Variants in FAM117B observed in about 807,000 individuals in gnomAD.
FAM117B encodes the protein family with sequence similarity 117 member B, also known as protein FAM117B.
Under a neutral mutation model 52.8 loss-of-function variants are expected in FAM117B, and 22 were observed. The ratio of observed to expected loss-of-function variants is 0.42; its 90% CI spans 0.30 to 0.59. FAM117B has a LOEUF of 0.59. Among genes scored for constraint, FAM117B ranks in the 20% least tolerant of loss-of-function variants. FAM117B has a pLI of 0.22. For missense variants in FAM117B, 678 were observed against 802.6 expected (o/e 0.84, Z 1.88); for synonymous variants, 309 against 324.1 (o/e 0.95, Z 0.50).
intron 1 of FAM117B, among the ~76,000 whole-genome samples, chr2:202,670,334 G>A (rs1690271530): frequency 6.8e-6 from 1 of 147,466 alleles, no homozygotes; most frequent in Admixed American, 6.8e-5. Flanking sequence ...TTGTCACCCA[G>A]TCTAGAGTGC....
intron 4 of FAM117B, among the ~76,000 whole-genome samples, chr2:202,740,701 A>T (rs1691519496): frequency 6.6e-6 from 1 of 152,132 alleles, no homozygotes. Context: ...ACATTCTTTT[A>T]CCTTGCAGTG....
chr2:202,734,242 G>T (rs1559112237), intron 4 of FAM117B, among the ~76,000 whole-genome samples: 2 of 152,120 alleles, frequency 1.3e-5, no homozygotes, highest in Non-Finnish European at 2.9e-5. Flanking sequence ...ACCAAAGTTA[G>T]CTGGGTGTGG....
chr2:202,733,473 G>T (rs530267149), intron 4 of FAM117B, among the ~76,000 whole-genome samples: 1 of 152,182 alleles, frequency 6.6e-6, no homozygotes, highest in East Asian at 1.9e-4. Context: ...CATCTCAACC[G>T]CATAAGACAG....
chr2:202,742,511 C>T (rs1231495861), intron 4 of FAM117B, among the ~76,000 whole-genome samples: 2 of 152,086 alleles, frequency 1.3e-5, no homozygotes, highest in Non-Finnish European at 2.9e-5. Flanking sequence ...TGAGACCACA[C>T]CATATACAAA....
At chr2:202,731,362 T>TATATATATATATATAC (rs1185524899) in intron 4 of FAM117B, among the ~76,000 whole-genome samples, 25 of 131,336 alleles carry the variant, frequency 1.9e-4, no homozygotes, top group East Asian at 1.8e-3. Context: ...TATATATATA[T>TATATATATATATATAC]ATATATGGAG....
At chr2:202,757,507 C>T (rs1253275176) in intron 6 of FAM117B, 69 bp downstream of exon 6, 5 of 1,445,524 alleles carry the variant, frequency 3.5e-6, no homozygotes, top group Non-Finnish European at 3.8e-6. Flanking sequence ...TCATTCTATT[C>T]ATTTTCTAGC....
chr2:202,705,921 A>G (rs1483200953), intron 2 of FAM117B, among the ~76,000 whole-genome samples: 1 of 152,094 alleles, frequency 6.6e-6, no homozygotes, highest in Non-Finnish European at 1.5e-5. Context: ...TTCTTAACCT[A>G]GGCTTATTTA....
intron 1 of FAM117B, among the ~76,000 whole-genome samples, chr2:202,676,033 C>T (rs530178586): frequency 6.7e-6 from 1 of 149,998 alleles, no homozygotes; most frequent in South Asian, 2.1e-4. Context: ...TGGGATGTCA[C>T]TTCTGAGATT....
intron 1 of FAM117B, among the ~76,000 whole-genome samples, chr2:202,686,032 T>C (rs977870348): frequency 6.6e-6 from 1 of 152,206 alleles, no homozygotes; most frequent in African/African-American, 2.4e-5. Context: ...TGCATATATT[T>C]GACAGAGAAC....
intron 1 of FAM117B, among the ~76,000 whole-genome samples, chr2:202,686,477 T>C (rs1206991239): frequency 3.3e-5 from 5 of 152,222 alleles, no homozygotes; most frequent in South Asian, 2.1e-4. Flanking sequence ...ATATGACTTA[T>C]TCCTAATTGT....
At chr2:202,693,620 T>C (rs1427376573) in intron 1 of FAM117B, among the ~76,000 whole-genome samples, 1 of 152,130 alleles carries the variant, frequency 6.6e-6, no homozygotes, top group Non-Finnish European at 1.5e-5. Flanking sequence ...ACAAACACTT[T>C]TATGCACATC....
chr2:202,700,157 A>G (rs1453061550), intron 2 of FAM117B, among the ~76,000 whole-genome samples: 1 of 152,214 alleles, frequency 6.6e-6, no homozygotes, highest in Non-Finnish European at 1.5e-5. Context: ...TCTAAGGGTC[A>G]AGTGAGGTGA....
intron 2 of FAM117B, among the ~76,000 whole-genome samples, chr2:202,718,558 G>A (rs528723543): frequency 1.3e-5 from 2 of 152,076 alleles, no homozygotes; most frequent in African/African-American, 4.8e-5. Flanking sequence ...ATGCCACTTC[G>A]TTGTGGTATA....
At chr2:202,724,634 A>G (rs73992655) in intron 2 of FAM117B, among the ~76,000 whole-genome samples, 1 of 152,112 alleles carries the variant, frequency 6.6e-6, no homozygotes, top group African/African-American at 2.4e-5. Context: ...TAGTTATTAT[A>G]TATAGTTAAC....
At chr2:202,659,775 C>T (rs1690102928) in intron 1 of FAM117B, among the ~76,000 whole-genome samples, 1 of 151,698 alleles carries the variant, frequency 6.6e-6, no homozygotes, top group Non-Finnish European at 1.5e-5. Context: ...CTACCATGCC[C>T]AGTTTTTTAT....
intron 1 of FAM117B, among the ~76,000 whole-genome samples, chr2:202,677,646 CAAGTTACTT>C (rs1690399703): frequency 6.6e-6 from 1 of 152,176 alleles, no homozygotes; most frequent in South Asian, 2.1e-4. Context: ...AACTAAGTGA[CAAGTTACTT>C]AAGTTTTCCA....
Position 202,720,032 on chromosome 2 carries a change from A to G in FAM117B, c.754-4885A>G, listed in dbSNP as rs116101008. ...GTGATGTTAAGTTTGATCCATCAGA[A>G]CCCTTTGTAACTAATAGTAATTTGT... On this transcript the variant is annotated intron_variant, in intron 2 of 7. Coordinates refer to ENST00000392238, the MANE Select transcript of FAM117B (RefSeq NM_173511.4). 5.8e-3 allele frequency among the ~76,000 whole-genome samples: 885 copies of G among 152,244 alleles called. 10 individuals are homozygous for G. The highest frequency in any genetic ancestry group is 0.02 in the African/African-American group (838 of 41,548).
At chr2:202,652,052 TAAAAAA>T (rs1227648534) in intron 1 of FAM117B, among the ~76,000 whole-genome samples, 2 of 98,626 alleles carry the variant, frequency 2.0e-5, no homozygotes, top group Non-Finnish European at 2.2e-5. Flanking sequence ...AAACTCTGTC[TAAAAAA>T]AAAAAAAAAA....
At chr2:202,751,738 C>G (rs953560891) in intron 4 of FAM117B, among the ~76,000 whole-genome samples, 2 of 134,958 alleles carry the variant, frequency 1.5e-5, no homozygotes, top group Non-Finnish European at 3.0e-5. Flanking sequence ...CACCACTGCA[C>G]TCCAGCCTAG....
Sources: gnomAD v4.1 joint callset for allele counts (sites outside exome capture counted in the v4.1 genomes callset) on GRCh38, gnomAD v4.1.1 for gene constraint, MANE v1.5 for transcripts, NCBI Gene and HGNC (gene_info 2026-07-23, HGNC 2026-07-21) for gene names.